The following ABCA6 variants were observed in gnomAD, a reference collection of about 807,000 sequenced individuals.
ABCA6 encodes ATP binding cassette subfamily A member 6, also known as ATP-binding cassette sub-family A member 6.
A neutral mutation model predicts 191.2 loss-of-function variants in ABCA6; 164 were observed. The observed-to-expected ratio is 0.86, with a 90% CI of 0.76 to 0.98. The LOEUF (loss-of-function observed/expected upper bound fraction) is 0.98, where lower values mean the gene tolerates loss of function less well. Ranked by LOEUF, ABCA6 falls within the 50% of genes least tolerant of loss-of-function variation. The pLI is 0.00. For synonymous variants in ABCA6, 636 were observed against 647.7 expected (o/e 0.98, Z 0.27); for missense variants, 1,958 against 1,894.1 (o/e 1.03, Z -0.63).
At chr17:69,135,543 T>C (rs1175199583) in intron 4 of ABCA6, 1 of 155,016 alleles carries the variant, frequency 6.5e-6, no homozygotes, top group Non-Finnish European at 1.4e-5. Flanking sequence ...CTTTTCATGT[T>C]CCTTGTTCAG....
In ABCA6 at chr17:69,091,215, T is replaced by G; in HGVS notation, c.3456A>C (p.Leu1152=). 6.2e-7 allele frequency: 1 copy of G among 1,612,098 alleles called. No individual in the cohort carries two copies. The highest frequency in any genetic ancestry group is 8.5e-7 in the Non-Finnish European group (1 of 1,179,444). ...ATACCATGGTGGTAATCAATATACTTAGGTCAAAATGATTGATTAAAGTGA... is the reference window on the plus strand; with the variant it reads ...ATACCATGGTGGTAATCAATATACTGAGGTCAAAATGATTGATTAAAGTGA... ...FSITLINHFD[L]SILITTMVLV... Residue 1152 remains leucine (L), a synonymous_variant, in exon 26 of 39, where the codon CTA becomes CTC. Transcript: ENST00000284425.
chr17:69,080,629 G>C (rs2072608165), intron 37 of ABCA6, among the ~76,000 whole-genome samples: 1 of 152,186 alleles, frequency 6.6e-6, no homozygotes, highest in Admixed American at 6.5e-5. Flanking sequence ...TTTCTCTGTT[G>C]CTTCTATTTT....
chr17:69,138,548 C>T lies in ABCA6; in HGVS notation c.97-1048G>A, dbSNP rs558362798. Among the ~76,000 whole-genome samples the T allele has an allele frequency of 2.2e-3, 327 of 151,922 alleles. 1 individual carries two copies. The highest frequency in any genetic ancestry group is 7.7e-3 in the African/African-American group (318 of 41,456). On this transcript the variant is annotated intron_variant, in intron 2 of 38. Coordinates refer to ENST00000284425, the MANE Select transcript of ABCA6 (RefSeq NM_080284.3). ...AGGTAATTTATAGATTCAATGCCATCCCCATCAAGCTACCAATGACTTTCT... is the reference window on the plus strand; with the variant it reads ...AGGTAATTTATAGATTCAATGCCATTCCCATCAAGCTACCAATGACTTTCT...
chr17:69,079,287 T>A lies in ABCA6; in HGVS notation c.4697-22A>T, dbSNP rs746725904. ...TTCACTGGAGGAAAAAAAAGACTAG[T>A]ATTAATAGTAGATGCTTACAATTTA... On this transcript the variant is annotated intron_variant, in intron 37 of 38. Coordinates refer to ENST00000284425, the MANE Select transcript of ABCA6 (RefSeq NM_080284.3). The A allele has an allele frequency of 2.5e-6, 4 of 1,572,120 alleles. No homozygotes were observed. The African/African-American group carries it at 4.1e-5, about 16-fold the overall frequency.
At chr17:69,130,827 C>T (rs1598059160) in intron 6 of ABCA6, among the ~76,000 whole-genome samples, 1 of 152,322 alleles carries the variant, frequency 6.6e-6, no homozygotes, top group East Asian at 1.9e-4. Flanking sequence ...CACCTCCAGT[C>T]TCTTTCGTAG....
At position 69,124,947 on chromosome 17, in the gene ABCA6, A is replaced by C; in HGVS notation, c.1208T>G (p.Leu403Trp). 2 of 1,577,442 alleles carry C rather than the reference A, an allele frequency of 1.3e-6. No individual in the cohort carries two copies. The highest frequency in any genetic ancestry group is 2.4e-5 in the South Asian group (2 of 84,668). Residue 403 changes from leucine (L) to tryptophan (W), a missense_variant, in exon 9 of 39, where the codon TTG becomes TGG. Coordinates refer to ENST00000284425, the MANE Select transcript of ABCA6 (RefSeq NM_080284.3). The stretch of plus-strand genomic sequence containing the variant: ...CAAGTAGATGAGACCATCCAAAAGC[A>C]ACATAGAAAAAGTTGCTATCATTGT... ...SYTMIATFSM[L>W]LLDGLIYLLL...
At chr17:69,133,070 GTCT>G (rs1228308268) in intron 6 of ABCA6, among the ~76,000 whole-genome samples, 4 of 152,228 alleles carry the variant, frequency 2.6e-5, no homozygotes, top group Non-Finnish European at 5.9e-5. Flanking sequence ...CCTTGCTAAG[GTCT>G]TCTTACATGC....
intron 20 of ABCA6, chr17:69,104,726 T>C (rs913777588): frequency 6.6e-6 from 1 of 150,698 alleles, no homozygotes; most frequent in African/African-American, 2.4e-5. Flanking sequence ...TCCCAGCACT[T>C]TGGGAGGCCA....
Position 69,137,287 on chromosome 17 carries a change from T to G in ABCA6, c.301+9A>C, listed in dbSNP as rs1448032654. On this transcript the variant is annotated intron_variant, in intron 3 of 38. Transcript: ENST00000284425. The stretch of plus-strand genomic sequence containing the variant: ...TCAGTAACTCTTTTTTTGCCATGAG[T>G]ACACCTACCTTTCAAAAGAGGAGCA... 1 of 1,610,698 alleles carries G rather than the reference T, an allele frequency of 6.2e-7. No homozygotes were observed. Among genetic ancestry groups the G allele is most frequent in the Non-Finnish European group, 8.5e-7 (1 of 1,178,894 alleles).
At chr17:69,102,668 G>T (rs2073206651) in intron 21 of ABCA6, among the ~76,000 whole-genome samples, 167 bp downstream of exon 21, 1 of 152,058 alleles carries the variant, frequency 6.6e-6, no homozygotes. Flanking sequence ...AACTAAGATA[G>T]AAAATGTTTT....
rs574050771 is a variant in ABCA6 at position 69,105,383 on chromosome 17, A to C, written c.2740+79T>G. On this transcript the variant is annotated intron_variant, in intron 20 of 38. Transcript: ENST00000284425. ...TACCCATTTTCTTCTCTTATGATTC[A>C]CTTCCCCCCCCCACCTCCTGTGCTA... 2.4e-5 allele frequency: 32 copies of C among 1,361,084 alleles called. No homozygotes were observed. The South Asian group carries it at 4.2e-4, about 18-fold the overall frequency. 84.3% of individuals were successfully genotyped at this position (1,361,084 alleles called of 1,614,324 possible).
intron 2 of ABCA6, among the ~76,000 whole-genome samples, chr17:69,137,805 T>C (rs558326096): frequency 6.6e-6 from 1 of 152,310 alleles, no homozygotes; most frequent in South Asian, 2.1e-4. Context: ...GGCAGCTGAC[T>C]ATAGAATTTA....
chr17:69,137,222 T>C (rs1227464881), intron 3 of ABCA6, 74 bp downstream of exon 3: 1 of 1,381,510 alleles, frequency 7.2e-7, no homozygotes, highest in Non-Finnish European at 1.0e-6. Context: ...TAACTTCAAA[T>C]TAATGTGTAG....
chr17:69,130,748 C>T (rs143250552), intron 6 of ABCA6, among the ~76,000 whole-genome samples: 2 of 152,204 alleles, frequency 1.3e-5, no homozygotes, highest in African/African-American at 4.8e-5. Flanking sequence ...AGCCTCTGAT[C>T]AATCAAGTAA....
chr17:69,129,775 T>C (rs762382510), intron 6 of ABCA6, 24 bp from the exon 7 acceptor site: 209 of 1,517,782 alleles, frequency 1.4e-4, no homozygotes, highest in Admixed American at 4.1e-4. Flanking sequence ...AAAAGTTATA[T>C]AAATTATGTT....
rs1401704965 is a variant in ABCA6, at chr17:69,089,484, T to G, written c.3587A>C (p.Asp1196Ala). Residue 1196 changes from aspartate to alanine, a missense_variant, in exon 27 of 39, where the codon GAT (aspartate) becomes GCT (alanine). Asp to Ala is a moderately radical substitution (Grantham distance 126, BLOSUM62 -2). Coordinates refer to ENST00000284425, the MANE Select transcript of ABCA6 (RefSeq NM_080284.3). The part of the protein sequence containing the change: ...PEANFELSAT[D>A]FLVCFIPYFQ... ...TCTTACTATGAAGCAGACTAGAAAA[T>G]CAGTGGCACTCAATTCAAAATTTGC... 1.2e-6 allele frequency: 2 copies of G among 1,613,708 alleles called. No individual in the cohort carries two copies. The highest frequency in any genetic ancestry group is 3.3e-5 in the Admixed American group (2 of 60,016).
chr17:69,085,063 C>G lies in ABCA6; in HGVS notation c.4149G>C (p.Gly1383=). The change falls in exon 32 of 39, where the codon GGG becomes GGC. Residue 1383 remains glycine (G), a synonymous_variant. Coordinates refer to ENST00000284425, the MANE Select transcript of ABCA6 (RefSeq NM_080284.3). ...CGAGCCTCGCGTCCGCTTTCCTGAGCCCCTTGACGGCAGCATACACCTCCA... is the reference window on the plus strand; with the variant it reads ...CGAGCCTCGCGTCCGCTTTCCTGAGGCCCTTGACGGCAGCATACACCTCCA... ...EHLEVYAAVK[G]LRKADARLAI... is the part of the protein sequence containing the mutation. The G allele has an allele frequency of 6.2e-7, 1 of 1,613,172 alleles. No homozygotes were observed.
chr17:69,109,781 G>C (rs887525023), intron 17 of ABCA6: 1 of 152,130 alleles, frequency 6.6e-6, no homozygotes, highest in Non-Finnish European at 1.5e-5. Context: ...CAGAGCAACT[G>C]TCACGGTATT....
chr17:69,120,291 C>T (rs896388143), intron 10 of ABCA6, among the ~76,000 whole-genome samples: 12 of 152,018 alleles, frequency 7.9e-5, no homozygotes, highest in African/African-American at 2.2e-4. Flanking sequence ...CTGCTCAACC[C>T]GGATGGTGAA....
Sources: gnomAD v4.1 joint callset for allele counts (sites outside exome capture counted in the v4.1 genomes callset) on GRCh38, gnomAD v4.1.1 for gene constraint, MANE v1.5 for transcripts, NCBI Gene and HGNC (gene_info 2026-07-23, HGNC 2026-07-21) for gene names.